Variants in CNOT6 observed in about 807,000 individuals in gnomAD.
CNOT6 encodes the protein carbon catabolite repression 4 protein.
Under a neutral mutation model 61.2 loss-of-function variants are expected in CNOT6, and 12 were observed. That is an observed-to-expected ratio of 0.20 (90% confidence interval 0.13 to 0.32). The LOEUF (loss-of-function observed/expected upper bound fraction) is 0.32, where lower values mean the gene tolerates loss of function less well. CNOT6 is among the 10% of genes least tolerant of loss of function. The pLI is 1.00. For synonymous variants in CNOT6, 225 were observed against 240.6 expected (o/e 0.94, Z 0.60); for missense variants, 405 against 663.9 (o/e 0.61, Z 4.28).
At chr5:180,524,590 G>A (rs1758013372) in intron 1 of CNOT6, among the ~76,000 whole-genome samples, 1 of 152,130 alleles carries the variant, frequency 6.6e-6, no homozygotes, top group African/African-American at 2.4e-5. Context: ...ACCAAGAAAG[G>A]GAATGGTTGG....
chr5:180,514,916 A>G (rs1423897655), intron 1 of CNOT6, among the ~76,000 whole-genome samples: 3 of 152,190 alleles, frequency 2.0e-5, no homozygotes, highest in Non-Finnish European at 4.4e-5. Context: ...TAGGCATTAC[A>G]CAAGACATTG....
intron 2 of CNOT6, among the ~76,000 whole-genome samples, chr5:180,530,444 C>T (rs1758297945): frequency 6.6e-6 from 1 of 152,116 alleles, no homozygotes; most frequent in African/African-American, 2.4e-5. Flanking sequence ...TAGCATTCCT[C>T]CTTTGTCAGC....
chr5:180,545,411 A>G (rs1759264901), intron 2 of CNOT6, among the ~76,000 whole-genome samples: 1 of 152,126 alleles, frequency 6.6e-6, no homozygotes, highest in African/African-American at 2.4e-5. Flanking sequence ...AAATGATGTT[A>G]TACAGTATGT....
At chr5:180,564,794 C>A in intron 6 of CNOT6, 51 bp downstream of exon 6, 1 of 1,318,932 alleles carries the variant, frequency 7.6e-7, no homozygotes, top group Non-Finnish European at 1.1e-6. Context: ...TCTCTATAAG[C>A]CTAACAGTAT....
intron 1 of CNOT6, among the ~76,000 whole-genome samples, chr5:180,510,871 C>T (rs1027717260): frequency 6.6e-6 from 1 of 152,086 alleles, no homozygotes; most frequent in African/African-American, 2.4e-5. Flanking sequence ...GTGGTGCCAT[C>T]TCAGCTTACT....
At chr5:180,553,979 A>G (rs180703001) in intron 4 of CNOT6, among the ~76,000 whole-genome samples, 16 of 152,348 alleles carry the variant, frequency 1.1e-4, no homozygotes, top group African/African-American at 2.9e-4. Flanking sequence ...TTAAGCCAAC[A>G]ATATTGAAAG....
intron 2 of CNOT6, among the ~76,000 whole-genome samples, chr5:180,541,143 T>A (rs1164187225): frequency 6.9e-6 from 1 of 145,212 alleles, no homozygotes; most frequent in East Asian, 2.0e-4. Context: ...AAATTAAGAA[T>A]TTTTTTTTTT....
intron 2 of CNOT6, among the ~76,000 whole-genome samples, chr5:180,541,518 C>A (rs925753576): frequency 2.4e-5 from 3 of 125,294 alleles, no homozygotes; most frequent in African/African-American, 9.3e-5. Context: ...GTGGTGCAAT[C>A]TTGGCTCACT....
chr5:180,516,266 C>T (rs575019400), intron 1 of CNOT6, among the ~76,000 whole-genome samples: 3 of 151,010 alleles, frequency 2.0e-5, no homozygotes, highest in East Asian at 2.0e-4. Context: ...CTGAAACCTC[C>T]GCCTCCCAGG....
chr5:180,538,417 G>A (rs1412807562), intron 2 of CNOT6, among the ~76,000 whole-genome samples: 1 of 148,912 alleles, frequency 6.7e-6, no homozygotes, highest in Non-Finnish European at 1.5e-5. Flanking sequence ...CAGGCGCGGT[G>A]GCTCACGCCT....
chr5:180,558,173 C>T (rs1759994029), intron 4 of CNOT6, among the ~76,000 whole-genome samples: 1 of 152,202 alleles, frequency 6.6e-6, no homozygotes, highest in Admixed American at 6.5e-5. Context: ...AGGGAACACA[C>T]TCCAGGCTAC....
intron 2 of CNOT6, among the ~76,000 whole-genome samples, chr5:180,531,814 C>T (rs1581509650): frequency 6.6e-6 from 1 of 152,214 alleles, no homozygotes; most frequent in Non-Finnish European, 1.5e-5. Flanking sequence ...GAAACCCCGT[C>T]TCCACCAAAA....
At chr5:180,498,310 G>A (rs1311337865) in intron 1 of CNOT6, among the ~76,000 whole-genome samples, 1 of 152,156 alleles carries the variant, frequency 6.6e-6, no homozygotes, top group Non-Finnish European at 1.5e-5. Flanking sequence ...TTTTAACACT[G>A]AGAATTCAAA....
chr5:180,546,175 T>G (rs1283768064), intron 2 of CNOT6, among the ~76,000 whole-genome samples: 2 of 152,216 alleles, frequency 1.3e-5, no homozygotes, highest in Non-Finnish European at 2.9e-5. Flanking sequence ...ATTACAGGCA[T>G]GAGCCACCGC....
chr5:180,541,759 TTTTTTTTTTTTTTGGTA>T lies in CNOT6; in HGVS notation c.113-8164_113-8148del, dbSNP rs565454347. Among the ~76,000 whole-genome samples, 226 of 142,292 alleles carry T rather than the reference TTTTTTTTTTTTTTGGTA, an allele frequency of 1.6e-3. 2 individuals carry two copies. Among genetic ancestry groups the T allele is most frequent in the Admixed American group, 4.3e-3 (61 of 14,270 alleles). The allele number at this position is 142,292 out of a possible 152,430, so 93.3% of individuals were successfully genotyped here. ...GAGCCACCATGCCCGGCCAGAGAAA[TTTTTTTTTTTTTTGGTA>T]TTTTTTTGTTTTTGAGATGGAGTCT... On this transcript the variant is annotated intron_variant, in intron 2 of 11. Coordinates refer to ENST00000261951, the MANE Select transcript of CNOT6 (RefSeq NM_001370472.1).
At chr5:180,510,196 C>T (rs1454236552) in intron 1 of CNOT6, among the ~76,000 whole-genome samples, 6 of 112,002 alleles carry the variant, frequency 5.4e-5, no homozygotes, top group Non-Finnish European at 8.5e-5. Flanking sequence ...CTGTGTTGCC[C>T]AGGCTGGAGT....
chr5:180,555,982 C>CT (rs1355194662), intron 4 of CNOT6, among the ~76,000 whole-genome samples: 1 of 152,122 alleles, frequency 6.6e-6, no homozygotes, highest in Non-Finnish European at 1.5e-5. Context: ...TGCCCATTCA[C>CT]TTTTTTTCCT....
intron 4 of CNOT6, among the ~76,000 whole-genome samples, chr5:180,560,022 C>T (rs1760087601): frequency 6.6e-6 from 1 of 151,004 alleles, no homozygotes; most frequent in Non-Finnish European, 1.5e-5. Flanking sequence ...GATCTCGGCT[C>T]ACTGCAAGTT....
At chr5:180,523,968 A>C (rs1481827591) in intron 1 of CNOT6, among the ~76,000 whole-genome samples, 2 of 152,232 alleles carry the variant, frequency 1.3e-5, no homozygotes, top group Non-Finnish European at 2.9e-5. Context: ...TGTCTTTCTA[A>C]TAAATACAAG....
Sources: allele counts gnomAD v4.1 joint callset (sites outside exome capture counted in the v4.1 genomes callset), GRCh38; gene constraint gnomAD v4.1.1; transcripts MANE v1.5; gene names NCBI Gene and HGNC (gene_info 2026-07-23, HGNC 2026-07-21).